MMUT: variants seen among roughly 807,000 people sequenced by gnomAD.
MMUT encodes methylmalonyl-CoA mutase.
In MMUT, 79 loss-of-function variants were observed where a neutral mutation model predicts 79.9. The observed-to-expected ratio is 0.99, with a 90% CI of 0.82 to 1.19. The LOEUF (loss-of-function observed/expected upper bound fraction) is 1.19. MMUT is among the 50% of genes most tolerant of loss of function. The probability of loss-of-function intolerance (pLI) is 0.00; values close to 1 mark genes in which losing one functional copy is unlikely to be tolerated. For synonymous variants in MMUT, 273 were observed against 295.7 expected (o/e 0.92, Z 0.79); for missense variants, 860 against 917.2 (o/e 0.94, Z 0.81).
chr6:49,434,243 T>C (rs1767065332), intron 12 of MMUT, among the ~76,000 whole-genome samples: 1 of 152,206 alleles, frequency 6.6e-6, no homozygotes, highest in Admixed American at 6.5e-5. Flanking sequence ...TTTATGAATA[T>C]AATAGGCAAG....
intron 12 of MMUT, among the ~76,000 whole-genome samples, chr6:49,434,609 T>C (rs746373150): frequency 6.6e-6 from 1 of 152,152 alleles, no homozygotes; most frequent in Non-Finnish European, 1.5e-5. Context: ...AAGAAAATCT[T>C]GATATAATTG....
intron 6 of MMUT, 29 bp from the exon 7 acceptor site, chr6:49,448,956 AAG>A: frequency 7.1e-7 from 1 of 1,407,180 alleles, no homozygotes; most frequent in Admixed American, 1.7e-5. Flanking sequence ...ACAAAACTAA[AAG>A]AGAATATTAA....
intron 8 of MMUT, among the ~76,000 whole-genome samples, chr6:49,445,111 A>G (rs1160770599): frequency 6.6e-6 from 1 of 152,166 alleles, no homozygotes; most frequent in African/African-American, 2.4e-5. Flanking sequence ...TTGAAGGAAC[A>G]CTAAAGATTA....
intron 12 of MMUT, among the ~76,000 whole-genome samples, chr6:49,433,846 G>T (rs918547120): frequency 6.6e-6 from 1 of 152,094 alleles, no homozygotes; most frequent in Non-Finnish European, 1.5e-5. Context: ...ATACAAGGGT[G>T]TTAACTGCTA....
At chr6:49,451,920 A>G (rs1767564459) in intron 5 of MMUT, among the ~76,000 whole-genome samples, 1 of 152,202 alleles carries the variant, frequency 6.6e-6, no homozygotes, top group Non-Finnish European at 1.5e-5. Flanking sequence ...GCCTCTTATA[A>G]TCCTCTGAAA....
At position 49,440,373 on chromosome 6, in the gene MMUT, A is replaced by T; in HGVS notation, c.1809-20T>A. On this transcript the variant is annotated intron_variant, in intron 10 of 12. Transcript: ENST00000274813. ...TGAACCCTGAAAAACATTTAAAAAT[A>T]TATCAGTAGTTAGATACTAATTTTC... 1 of 1,611,838 alleles carries T rather than the reference A, an allele frequency of 6.2e-7. No individual in the cohort carries two copies.
intron 12 of MMUT, among the ~76,000 whole-genome samples, chr6:49,433,415 G>T (rs9463481): frequency 7.9e-4 from 121 of 152,290 alleles, no homozygotes; most frequent in African/African-American, 2.7e-3. Context: ...ATACCTTTGT[G>T]AGGGGGTTGT....
At chr6:49,440,862 C>A (rs1200057166) in intron 10 of MMUT, among the ~76,000 whole-genome samples, 2 of 152,132 alleles carry the variant, frequency 1.3e-5, no homozygotes, top group Admixed American at 1.3e-4. Context: ...TAAAAAGTGA[C>A]TTCATGGTCA....
chr6:49,434,573 T>C (rs1333622628), intron 12 of MMUT, among the ~76,000 whole-genome samples: 1 of 152,198 alleles, frequency 6.6e-6, no homozygotes, highest in East Asian at 1.9e-4. Context: ...TCTTCTAACT[T>C]GACATTTTTT....
At position 49,435,451 on chromosome 6, in the gene MMUT, A is replaced by AAT. The variant is rs771886910; in HGVS notation, c.2124+3_2124+4dup. ...CAGTACTAGAAAAATAGAGATAAAA[A>AAT]ATACCTGAGGTGGTATCACCCCTCC... On this transcript the variant is annotated splice_donor_region_variant and intron_variant, in intron 12 of 12. Coordinates refer to ENST00000274813, the MANE Select transcript of MMUT (RefSeq NM_000255.4). 2 of 1,612,594 alleles carry AAT rather than the reference A, an allele frequency of 1.2e-6. No homozygotes were observed. The highest frequency in any genetic ancestry group is 2.2e-5 in the South Asian group (2 of 91,032).
At chr6:49,443,420 C>T (rs151097955) in intron 9 of MMUT, among the ~76,000 whole-genome samples, 232 of 152,246 alleles carry the variant, frequency 1.5e-3, no homozygotes, top group Middle Eastern at 0.01. Flanking sequence ...TTTCACATCA[C>T]TCACATCAAT....
intron 6 of MMUT, 74 bp downstream of exon 6, chr6:49,451,392 G>C: frequency 6.7e-7 from 1 of 1,485,648 alleles, no homozygotes; most frequent in Non-Finnish European, 9.2e-7. Flanking sequence ...ATCTTGACTT[G>C]TAAGTTTTAA....
At chr6:49,435,177 G>T (rs1317370133) in intron 12 of MMUT, among the ~76,000 whole-genome samples, 1 of 152,158 alleles carries the variant, frequency 6.6e-6, no homozygotes, top group Non-Finnish European at 1.5e-5. Context: ...TGTTTATTGA[G>T]AATGAAGGTA....
At position 49,456,075 on chromosome 6, in the gene MMUT, C is replaced by A; in HGVS notation, c.911+5G>T. 1.9e-6 allele frequency: 3 copies of A among 1,610,178 alleles called. No homozygotes were observed. In the South Asian group the frequency reaches 3.3e-5, roughly 18 times the overall value. ...TGAAACAATATCTAGGTTTAATTTACTCACCTTGGTGCAAATTCATCAATT... is the reference window on the plus strand; with the variant it reads ...TGAAACAATATCTAGGTTTAATTTAATCACCTTGGTGCAAATTCATCAATT... On this transcript the variant is annotated splice_donor_5th_base_variant and intron_variant, in intron 4 of 12. Coordinates refer to ENST00000274813, the MANE Select transcript of MMUT (RefSeq NM_000255.4).
At chr6:49,444,909 T>C (rs1767374788) in intron 8 of MMUT, among the ~76,000 whole-genome samples, 155 bp from the exon 9 acceptor site, 1 of 152,156 alleles carries the variant, frequency 6.6e-6, no homozygotes, top group African/African-American at 2.4e-5. Context: ...ATATATAACC[T>C]AGGAATTTTA....
At chr6:49,440,797 C>T (rs1767254358) in intron 10 of MMUT, among the ~76,000 whole-genome samples, 1 of 152,260 alleles carries the variant, frequency 6.6e-6, no homozygotes. Flanking sequence ...GACAACCTCC[C>T]ACCTTCGTGA....
At chr6:49,435,008 T>C (rs1032368466) in intron 12 of MMUT, among the ~76,000 whole-genome samples, 1 of 152,132 alleles carries the variant, frequency 6.6e-6, no homozygotes, top group African/African-American at 2.4e-5. Context: ...TCCTTCTAAA[T>C]AGAAGCAAGC....
intron 10 of MMUT, 63 bp downstream of exon 10, chr6:49,441,777 G>A: frequency 2.6e-6 from 4 of 1,537,444 alleles, no homozygotes; most frequent in Middle Eastern, 1.7e-4. Context: ...GCTCCCAGTA[G>A]ATTCAAGGGG....
At chr6:49,443,832 G>C in intron 9 of MMUT, 1 of 428,634 alleles carries the variant, frequency 2.3e-6, no homozygotes, top group Middle Eastern at 3.4e-4. Flanking sequence ...TATAACATGA[G>C]ATTAGATTCT....
Sources: gnomAD v4.1 joint callset for allele counts (sites outside exome capture counted in the v4.1 genomes callset) on GRCh38, gnomAD v4.1.1 for gene constraint, MANE v1.5 for transcripts, NCBI Gene and HGNC (gene_info 2026-07-23, HGNC 2026-07-21) for gene names.